The following GAREM1 variants were observed in gnomAD, a reference collection of about 807,000 sequenced individuals.
GAREM1 encodes the protein GRB2-associated and regulator of MAPK protein 1.
GAREM1 carries 26 observed loss-of-function variants against 71.3 expected under a neutral mutation model. The observed-to-expected ratio is 0.36, with a 90% confidence interval of 0.27 to 0.51. The LOEUF (loss-of-function observed/expected upper bound fraction) is 0.51. Among genes scored for constraint, GAREM1 ranks in the 20% least tolerant of loss-of-function variants. The probability of loss-of-function intolerance (pLI) is 0.95; values close to 1 mark genes in which losing one functional copy is unlikely to be tolerated. For synonymous variants in GAREM1, 440 were observed against 433.2 expected (o/e 1.02, Z -0.20); for missense variants, 1,026 against 1,103.1 (o/e 0.93, Z 0.99).
chr18:32,443,556 G>C (rs1400363494), intron 1 of GAREM1, among the ~76,000 whole-genome samples: 1 of 152,144 alleles, frequency 6.6e-6, no homozygotes, highest in Non-Finnish European at 1.5e-5. Context: ...TTAGTCATCA[G>C]GGACATATAA....
intron 2 of GAREM1, among the ~76,000 whole-genome samples, chr18:32,321,058 C>T (rs978220267): frequency 2.0e-5 from 3 of 152,236 alleles, no homozygotes; most frequent in African/African-American, 7.2e-5. Context: ...AGCCCGTTTC[C>T]ATCTCTGCCC....
At chr18:32,269,855 C>T (rs956409355) in intron 5 of GAREM1, among the ~76,000 whole-genome samples, 6 of 151,982 alleles carry the variant, frequency 3.9e-5, no homozygotes, top group African/African-American at 9.7e-5. Context: ...AGGTCCTGGT[C>T]GAAGGTGTTG....
At chr18:32,326,389 T>A (rs1396763884) in intron 2 of GAREM1, among the ~76,000 whole-genome samples, 2 of 152,220 alleles carry the variant, frequency 1.3e-5, no homozygotes, top group Admixed American at 6.5e-5. Flanking sequence ...TAGAGTCCTA[T>A]GCTTGTTAGG....
intron 2 of GAREM1, among the ~76,000 whole-genome samples, chr18:32,370,637 G>A (rs192418604): frequency 9.2e-5 from 14 of 152,212 alleles, no homozygotes; most frequent in African/African-American, 9.6e-5. Flanking sequence ...TCAATATGGC[G>A]TGTGCCCCTC....
rs189941716 is a variant in GAREM1, at chr18:32,336,156, C to G, written c.263-25833G>C. On this transcript the variant is annotated intron_variant, in intron 2 of 5. Transcript: ENST00000269209. The stretch of plus-strand genomic sequence containing the variant: ...TATAAAAACCATACAGTAGGCCGGG[C>G]ACGGTGGCTCACACCTGTAATCCTA... Among the ~76,000 whole-genome samples the G allele has an allele frequency of 2.6e-4, 40 of 152,298 alleles. 2 individuals carry two copies. In the Middle Eastern group the frequency reaches 0.031, roughly 117 times the overall value.
chr18:32,271,210 C>G (rs769439444), intron 4 of GAREM1, among the ~76,000 whole-genome samples: 5 of 151,584 alleles, frequency 3.3e-5, no homozygotes, highest in Non-Finnish European at 7.4e-5. Context: ...TTTTATTTTT[C>G]AAGACTGAGT....
chr18:32,265,991 G>C lies in GAREM1; in HGVS notation c.*1880C>G, dbSNP rs1189939824. The C allele has an allele frequency of 6.6e-6, 1 of 152,200 alleles. No individual in the cohort carries two copies. Among genetic ancestry groups the C allele is most frequent in the East Asian group, 1.9e-4 (1 of 5,192 alleles). The allele number at this position is 152,200 out of a possible 1,614,324, so 9.4% of individuals were successfully genotyped here. The stretch of plus-strand genomic sequence containing the variant: ...GAAAGCTTCATAGGTCTCATGTCCT[G>C]TGAGTGCAGTACCAGCACTTCCTCA... On this transcript the variant is annotated 3_prime_UTR_variant, in exon 6 of 6. Coordinates refer to ENST00000269209, the MANE Select transcript of GAREM1 (RefSeq NM_001242409.2).
chr18:32,362,184 G>A (rs2047871691), intron 2 of GAREM1, among the ~76,000 whole-genome samples: 1 of 152,138 alleles, frequency 6.6e-6, no homozygotes. Context: ...TCTGATTCCA[G>A]GGGAGACTCC....
intron 4 of GAREM1, among the ~76,000 whole-genome samples, chr18:32,283,606 G>A (rs2144452925): frequency 1.3e-5 from 2 of 152,186 alleles, no homozygotes; most frequent in Middle Eastern, 3.4e-3. Context: ...AAAGAGATAA[G>A]AGGACTAGAG....
intron 3 of GAREM1, among the ~76,000 whole-genome samples, chr18:32,306,685 A>C (rs2047258994): frequency 6.6e-6 from 1 of 152,120 alleles, no homozygotes; most frequent in Admixed American, 6.6e-5. Context: ...TAAGCTCCCA[A>C]CCTGTAGATC....
chr18:32,271,234 C>T (rs951555161), intron 4 of GAREM1, among the ~76,000 whole-genome samples: 44 of 151,420 alleles, frequency 2.9e-4, no homozygotes, highest in Middle Eastern at 3.4e-3. Flanking sequence ...GCTCTGTTGC[C>T]CATGTTGGAG....
intron 1 of GAREM1, among the ~76,000 whole-genome samples, chr18:32,421,600 A>G (rs139952198): frequency 4.8e-4 from 73 of 152,292 alleles, no homozygotes; most frequent in African/African-American, 1.7e-3. Flanking sequence ...CTGGTAACGT[A>G]TATCAGAAGG....
chr18:32,301,844 T>C (rs1033688454), intron 3 of GAREM1, among the ~76,000 whole-genome samples: 49 of 152,178 alleles, frequency 3.2e-4, no homozygotes, highest in African/African-American at 1.2e-3. Context: ...TCATATAAGT[T>C]GCAAGATTTT....
chr18:32,325,015 C>T (rs1016245368), intron 2 of GAREM1, among the ~76,000 whole-genome samples: 2 of 152,094 alleles, frequency 1.3e-5, no homozygotes, highest in Admixed American at 6.5e-5. Context: ...TGCAGTGGTG[C>T]GATCTTGGCT....
chr18:32,383,779 G>C (rs968664457), intron 2 of GAREM1, among the ~76,000 whole-genome samples: 2 of 152,086 alleles, frequency 1.3e-5, no homozygotes, highest in Admixed American at 1.3e-4. Flanking sequence ...TAGCCTAGGA[G>C]TTTTGAACCC....
chr18:32,362,891 G>A (rs1027483368), intron 2 of GAREM1, among the ~76,000 whole-genome samples: 1 of 152,158 alleles, frequency 6.6e-6, no homozygotes, highest in Non-Finnish European at 1.5e-5. Context: ...TTGCATCTAC[G>A]TTGAATCATT....
chr18:32,353,794 G>A (rs923815753), intron 2 of GAREM1, among the ~76,000 whole-genome samples: 4 of 152,080 alleles, frequency 2.6e-5, no homozygotes, highest in Non-Finnish European at 5.9e-5. Flanking sequence ...TTGAACCTGG[G>A]CCTTTATGAT....
intron 2 of GAREM1, among the ~76,000 whole-genome samples, chr18:32,390,536 A>G (rs2048185791): frequency 6.6e-6 from 1 of 152,178 alleles, no homozygotes; most frequent in Admixed American, 6.5e-5. Flanking sequence ...ATGTGATCTT[A>G]GTGCCCATGT....
chr18:32,384,271 GTGT>G (rs1417373178), intron 2 of GAREM1, among the ~76,000 whole-genome samples: 1 of 152,114 alleles, frequency 6.6e-6, no homozygotes, highest in East Asian at 1.9e-4. Context: ...ACCCTTCACT[GTGT>G]TGTTGCCACA....
Sources: allele counts gnomAD v4.1 joint callset (sites outside exome capture counted in the v4.1 genomes callset), GRCh38; gene constraint gnomAD v4.1.1; transcripts MANE v1.5; gene names NCBI Gene and HGNC (gene_info 2026-07-23, HGNC 2026-07-21).